The following IHO1 variants were observed in gnomAD, a reference collection of about 807,000 sequenced individuals.
IHO1 encodes the protein interactor of HORMAD1 1, also known as interactor of HORMAD1 protein 1.
IHO1 carries 13 observed loss-of-function variants against 31.0 expected under a neutral mutation model. The observed-to-expected ratio is 0.42, with a 90% CI of 0.27 to 0.67. The LOEUF (loss-of-function observed/expected upper bound fraction) is 0.67, where lower values mean the gene tolerates loss of function less well. Ranked by LOEUF, IHO1 falls within the 30% of genes least tolerant of loss-of-function variation. The probability of loss-of-function intolerance (pLI) is 0.24; values close to 1 mark genes in which losing one functional copy is unlikely to be tolerated. For missense variants in IHO1, 599 were observed against 687.5 expected (o/e 0.87, Z 1.44); for synonymous variants, 221 against 248.4 (o/e 0.89, Z 1.04).
At position 49,223,049 on chromosome 3, in the gene IHO1, T is replaced by C. The variant is rs912092533; in HGVS notation, c.56+11213T>C. 3.0e-4 allele frequency among the ~76,000 whole-genome samples: 45 copies of C among 152,292 alleles called. 1 individual carries two copies. The highest frequency in any genetic ancestry group is 2.9e-3 in the Admixed American group (44 of 15,302). ...TGTTCCCTTTTCTCTGTGACATCCT[T>C]CAGGTAGGTTTTTAAGGTTTCATTG... On this transcript the variant is annotated intron_variant, in intron 2 of 7. Coordinates refer to ENST00000452691, the MANE Select transcript of IHO1 (RefSeq NM_001135197.2).
intron 4 of IHO1, 90 bp from the exon 5 acceptor site, chr3:49,244,314 A>C: frequency 1.2e-6 from 1 of 815,438 alleles, no homozygotes; most frequent in Non-Finnish European, 2.1e-6. Flanking sequence ...TATGCTAGGT[A>C]GAGATCTGCC....
At chr3:49,208,508 C>T (rs2046169212) in intron 1 of IHO1, among the ~76,000 whole-genome samples, 2 of 152,160 alleles carry the variant, frequency 1.3e-5, no homozygotes, top group South Asian at 2.1e-4. Flanking sequence ...CAACCCCACC[C>T]GCAACCAATG....
intron 2 of IHO1, among the ~76,000 whole-genome samples, chr3:49,229,811 A>G (rs961045835): frequency 6.6e-6 from 1 of 152,186 alleles, no homozygotes; most frequent in African/African-American, 2.4e-5. Flanking sequence ...CTGATGGACA[A>G]CCTGGGACTA....
At chr3:49,197,225 C>T (rs1394348714), upstream of IHO1, among the ~76,000 whole-genome samples, 2 of 150,352 alleles carry the variant, frequency 1.3e-5, no homozygotes, top group South Asian at 2.1e-4. Context: ...CTCCTGACCT[C>T]GTGATCTGCC....
At chr3:49,216,421 T>C (rs2046287291) in intron 2 of IHO1, among the ~76,000 whole-genome samples, 1 of 152,168 alleles carries the variant, frequency 6.6e-6, no homozygotes, top group Non-Finnish European at 1.5e-5. Context: ...GGCGAAACCT[T>C]GTCTTTACCA....
chr3:49,221,614 T>A (rs1460517209), intron 2 of IHO1, among the ~76,000 whole-genome samples: 4 of 152,198 alleles, frequency 2.6e-5, no homozygotes, highest in African/African-American at 9.6e-5. Flanking sequence ...CCTGCTGTGG[T>A]AGTGTCCTCC....
At chr3:49,191,680 CTCAG>C in the IHO1 span, 1 of 1,540,820 alleles carries the variant, frequency 6.5e-7, no homozygotes, top group African/African-American at 1.4e-5. Context: ...ACCGGCATGA[CTCAG>C]TCAGATTTCA....
intron 1 of IHO1, 43 bp from the exon 2 acceptor site, chr3:49,211,723 T>G: frequency 1.0e-6 from 1 of 962,344 alleles, no homozygotes. Flanking sequence ...TGGAAAAAAT[T>G]ATACTGTTAA....
rs539200804 is a variant in IHO1, at chr3:49,202,903, C to T, written c.-16+3330C>T. On this transcript the variant is annotated intron_variant, in intron 1 of 7. Transcript: ENST00000452691. ...CGGAGTCTCGCTCTGTCGCCCAGGC[C>T]GGACTGCGGACCGCAGTGGCGCAAT... is the stretch of plus-strand genomic sequence containing the variant. Among the ~76,000 whole-genome samples the T allele has an allele frequency of 5.7e-3, 844 of 147,780 alleles. 11 individuals are homozygous for T. Among genetic ancestry groups the T allele is most frequent in the African/African-American group, 0.02 (797 of 39,854 alleles).
chr3:49,255,096 G>A (rs1459073434), intron 6 of IHO1, among the ~76,000 whole-genome samples: 3 of 152,014 alleles, frequency 2.0e-5, no homozygotes, highest in Non-Finnish European at 4.4e-5. Flanking sequence ...TTCAATGAAG[G>A]TTTCAGAGGG....
chr3:49,233,644 A>T lies in IHO1; in HGVS notation c.57-2904A>T, dbSNP rs79990943. Reference sequence around the variant, plus strand: ...CCTGCGAGAAGTAGCTCACCATGACAAAGCTACCTTTGCTTTTATCGTTTT... The same window carrying T: ...CCTGCGAGAAGTAGCTCACCATGACTAAGCTACCTTTGCTTTTATCGTTTT... On this transcript the variant is annotated intron_variant, in intron 2 of 7. Transcript: ENST00000452691. 1.1e-4 allele frequency among the ~76,000 whole-genome samples: 16 copies of T among 152,352 alleles called. No homozygotes were observed. In the East Asian group the frequency reaches 3.1e-3, roughly 29 times the overall value.
rs1434107775 is a variant in IHO1 at position 49,224,592 on chromosome 3, TCTG to T, written c.57-11953_57-11951del. Among the ~76,000 whole-genome samples the T allele has an allele frequency of 2.0e-5, 3 of 152,260 alleles. No homozygotes were observed. In the East Asian group the frequency reaches 5.8e-4, roughly 29 times the overall value. ...TAAGGCTCTGGTAAGTGCCACTAGT[TCTG>T]CTAACTGGGCGCTGGTCCCTGGGGG... On this transcript the variant is annotated intron_variant, in intron 2 of 7. Transcript: ENST00000452691.
chr3:49,233,601 C>T (rs2046509026), intron 2 of IHO1, among the ~76,000 whole-genome samples: 1 of 152,188 alleles, frequency 6.6e-6, no homozygotes. Context: ...GTATAGTCTG[C>T]AGATGCAGAT....
intron 1 of IHO1, chr3:49,200,464 C>CAAAAA (rs796861344): frequency 4.9e-6 from 1 of 206,134 alleles, no homozygotes; most frequent in East Asian, 3.6e-4. Flanking sequence ...GACTCGGTCT[C>CAAAAA]AAAAAAAAAA....
chr3:49,248,859 A>G (rs547468630), intron 6 of IHO1, among the ~76,000 whole-genome samples: 1 of 152,380 alleles, frequency 6.6e-6, no homozygotes, highest in Non-Finnish European at 1.5e-5. Context: ...GGAAATGATG[A>G]TGAGCAGAAA....
At chr3:49,247,194 G>A (rs1356851783) in intron 6 of IHO1, among the ~76,000 whole-genome samples, 2 of 151,596 alleles carry the variant, frequency 1.3e-5, no homozygotes, top group African/African-American at 2.4e-5. Flanking sequence ...GAGGCCGGGC[G>A]TGGTGGCTCC....
chr3:49,203,767 T>G (rs1257403472), intron 1 of IHO1, among the ~76,000 whole-genome samples: 1 of 152,140 alleles, frequency 6.6e-6, no homozygotes, highest in Non-Finnish European at 1.5e-5. Context: ...AGTGGTCAAA[T>G]TCTAGATATA....
chr3:49,249,226 TAA>T, intron 6 of IHO1, among the ~76,000 whole-genome samples: 1 of 152,242 alleles, frequency 6.6e-6, no homozygotes, highest in South Asian at 2.1e-4. Flanking sequence ...CCTCATATGT[TAA>T]GTCTGGTGAT....
In IHO1 at chr3:49,257,383, G is replaced by A; in HGVS notation, c.*101G>A. On this transcript the variant is annotated 3_prime_UTR_variant, in exon 8 of 8. Transcript: ENST00000452691. ...GTCCCTGAAGCCTGCCAAGTACCCA[G>A]GGTCAGAGGCCCTGCTGAGGTGGGG... 1 of 1,211,152 alleles carries A rather than the reference G, an allele frequency of 8.3e-7. No individual in the cohort carries two copies. The highest frequency in any genetic ancestry group is 1.4e-5 in the South Asian group (1 of 70,266). 75.0% of individuals were successfully genotyped at this position (1,211,152 alleles called of 1,614,324 possible). A position where few individuals can be genotyped will look rare whatever the true frequency, so the allele number is the denominator to read the frequency against.
Sources: gnomAD v4.1 joint callset for allele counts (sites outside exome capture counted in the v4.1 genomes callset) on GRCh38, gnomAD v4.1.1 for gene constraint, MANE v1.5 for transcripts, NCBI Gene and HGNC (gene_info 2026-07-23, HGNC 2026-07-21) for gene names.